Variants in TTC28 observed in about 807,000 individuals in gnomAD.
TTC28 encodes tetratricopeptide repeat domain 28, also known as tetratricopeptide repeat protein 28.
A neutral mutation model predicts 198.0 loss-of-function variants in TTC28; 61 were observed. The ratio of observed to expected loss-of-function variants is 0.31; its 90% confidence interval spans 0.25 to 0.38. The LOEUF is 0.38. Among genes scored for constraint, TTC28 ranks in the 10% least tolerant of loss-of-function variants. The pLI is 1.00. For synonymous variants in TTC28, 1,171 were observed against 1,297.8 expected, an observed-to-expected ratio of 0.90 and a Z score of 2.10; for missense variants, 2,678 against 3,164.0, an observed-to-expected ratio of 0.85 and a Z score of 3.69.
At chr22:28,330,067 G>C (rs992303634) in intron 2 of TTC28, among the ~76,000 whole-genome samples, 6 of 152,110 alleles carry the variant, frequency 3.9e-5, no homozygotes, top group Admixed American at 1.3e-4. Context: ...AATTATGACA[G>C]CAATTCCAAA....
chr22:28,564,870 A>T (rs1416609167), intron 2 of TTC28, among the ~76,000 whole-genome samples: 1 of 147,610 alleles, frequency 6.8e-6, no homozygotes, highest in African/African-American at 2.5e-5. Context: ...TTTATATATA[A>T]ATTTATAATT....
At chr22:28,512,861 C>A (rs974974276) in intron 2 of TTC28, among the ~76,000 whole-genome samples, 1 of 151,914 alleles carries the variant, frequency 6.6e-6, no homozygotes, top group African/African-American at 2.4e-5. Flanking sequence ...CAAAGAACCA[C>A]GGCGCATTTT....
chr22:28,178,876 G>C (rs1478036082), intron 5 of TTC28, among the ~76,000 whole-genome samples: 3 of 152,230 alleles, frequency 2.0e-5, no homozygotes, highest in South Asian at 2.1e-4. Context: ...ACACCACCAG[G>C]GTTCAGATCC....
chr22:28,043,242 CAAAAAAAAAAAAA>C (rs11362041), intron 12 of TTC28, among the ~76,000 whole-genome samples: 10 of 65,568 alleles, frequency 1.5e-4, no homozygotes, highest in South Asian at 5.1e-4. Flanking sequence ...GACTCCATCT[CAAAAAAAAAAAAA>C]AAAAAAAAAA....
At chr22:28,210,547 A>G (rs976203199) in intron 5 of TTC28, among the ~76,000 whole-genome samples, 9 of 152,266 alleles carry the variant, frequency 5.9e-5, no homozygotes, top group Admixed American at 5.2e-4. Flanking sequence ...CAGTGATGGA[A>G]GAGCAAATGA....
Position 27,981,230 on chromosome 22 carries a change from A to ATTTTT in TTC28, c.*986_*990dup, listed in dbSNP as rs138635. The ATTTTT allele has an allele frequency of 2.7e-3, 131 of 48,168 alleles. 34 individuals carry two copies. The highest frequency in any genetic ancestry group is 5.0e-3 in the African/African-American group (78 of 15,494). 3.0% of individuals were successfully genotyped at this position (48,168 alleles called of 1,614,324 possible). Reference sequence around the variant, plus strand: ...TGGTTAAATCTAGTTAGCCATGGAAATTTTTTTTTTTTTTTTTTTTTTTTT... The same window carrying ATTTTT: ...TGGTTAAATCTAGTTAGCCATGGAAATTTTTTTTTTTTTTTTTTTTTTTTTTTTTT... On this transcript the variant is annotated 3_prime_UTR_variant, in exon 23 of 23. Transcript: ENST00000397906.
At chr22:28,156,304 T>C (rs931074257) in intron 6 of TTC28, among the ~76,000 whole-genome samples, 8 of 152,302 alleles carry the variant, frequency 5.3e-5, no homozygotes, top group African/African-American at 1.9e-4. Flanking sequence ...GAGAAGGTGA[T>C]GTGATGACAA....
chr22:28,505,698 C>A (rs1386725193), intron 2 of TTC28, among the ~76,000 whole-genome samples: 1 of 152,158 alleles, frequency 6.6e-6, no homozygotes, highest in Non-Finnish European at 1.5e-5. Context: ...CTACTTCAGC[C>A]CCAGAATCCC....
intron 1 of TTC28, among the ~76,000 whole-genome samples, chr22:28,637,231 C>T (rs971956030): frequency 6.6e-6 from 1 of 152,110 alleles, no homozygotes; most frequent in African/African-American, 2.4e-5. Flanking sequence ...ACGAGGGTCT[C>T]GATCTCCCGA....
At chr22:28,004,172 A>G (rs1937833431) in intron 14 of TTC28, among the ~76,000 whole-genome samples, 2 of 152,180 alleles carry the variant, frequency 1.3e-5, no homozygotes, top group Admixed American at 6.5e-5. Context: ...AGGCCTGGGC[A>G]GATGCTGTTG....
chr22:28,424,964 A>G (rs1403617699), intron 2 of TTC28, among the ~76,000 whole-genome samples: 1 of 152,154 alleles, frequency 6.6e-6, no homozygotes, highest in Non-Finnish European at 1.5e-5. Context: ...TAAATAATAA[A>G]CCACAATGCT....
Position 28,296,257 on chromosome 22 carries a change from C to A in TTC28, c.874G>T (p.Glu292Ter). The change falls in exon 5 of 23, where the codon GAG becomes TAG. Residue 292 changes from glutamate to a stop codon, truncating the protein, a stop_gained. Coordinates refer to ENST00000397906, the MANE Select transcript of TTC28 (RefSeq NM_001145418.2). LOFTEE classifies it high-confidence loss of function. ...TGATGCCTGTGGTTAGTGAGAGCCTCCCGGTAATTTCCTTTGGAGAAGAAT... is the reference window on the plus strand; with the variant it reads ...TGATGCCTGTGGTTAGTGAGAGCCTACCGGTAATTTCCTTTGGAGAAGAAT... Reference protein sequence around the residue: ...SAFFSKGNYREALTNHRHQLV... With the variant: ...SAFFSKGNYR 1 of 1,551,088 alleles carries A rather than the reference C, an allele frequency of 6.4e-7. No homozygotes were observed. The highest frequency in any genetic ancestry group is 8.7e-7 in the Non-Finnish European group (1 of 1,146,716).
chr22:28,279,673 T>C (rs1362473160), intron 5 of TTC28, among the ~76,000 whole-genome samples: 2 of 152,216 alleles, frequency 1.3e-5, no homozygotes, highest in South Asian at 2.1e-4. Context: ...ACAGGCCCAT[T>C]TGATGAGTTT....
intron 2 of TTC28, among the ~76,000 whole-genome samples, chr22:28,591,287 T>A (rs2050432194): frequency 1.3e-5 from 2 of 150,886 alleles, no homozygotes; most frequent in African/African-American, 2.4e-5. Flanking sequence ...TTTTTATATA[T>A]ATATTTGTAG....
chr22:28,229,300 T>C (rs1469765340), intron 5 of TTC28, among the ~76,000 whole-genome samples: 1 of 152,204 alleles, frequency 6.6e-6, no homozygotes, highest in Non-Finnish European at 1.5e-5. Flanking sequence ...AGTTCTCCAT[T>C]TGGCTTTAAT....
intron 2 of TTC28, among the ~76,000 whole-genome samples, chr22:28,491,360 T>C (rs993346096): frequency 5.3e-5 from 8 of 152,144 alleles, no homozygotes; most frequent in Admixed American, 5.2e-4. Context: ...AATCTACTTA[T>C]CTGACAAAGG....
chr22:28,349,578 A>G (rs1174465954), intron 2 of TTC28, among the ~76,000 whole-genome samples: 4 of 152,186 alleles, frequency 2.6e-5, no homozygotes, highest in Non-Finnish European at 5.9e-5. Context: ...TTGAGTTCCC[A>G]TCTCAGTTTC....
chr22:28,626,007 C>T (rs951050776), intron 2 of TTC28, among the ~76,000 whole-genome samples: 1 of 152,140 alleles, frequency 6.6e-6, no homozygotes, highest in African/African-American at 2.4e-5. Flanking sequence ...TTAACTTTGA[C>T]TCTTATCTCA....
intron 2 of TTC28, among the ~76,000 whole-genome samples, chr22:28,366,639 T>C (rs528246723): frequency 3.9e-4 from 60 of 152,024 alleles, no homozygotes; most frequent in African/African-American, 1.3e-3. Flanking sequence ...AATCAAGACA[T>C]AGAGAAGCTG....
Sources: allele counts gnomAD v4.1 joint callset (sites outside exome capture counted in the v4.1 genomes callset), GRCh38; gene constraint gnomAD v4.1.1; transcripts MANE v1.5; gene names NCBI Gene and HGNC (gene_info 2026-07-23, HGNC 2026-07-21).